The following MET variants were observed in gnomAD, a reference collection of about 807,000 sequenced individuals.
MET encodes MET proto-oncogene, receptor tyrosine kinase.
A neutral mutation model predicts 133.1 loss-of-function variants in MET; 48 were observed. That is an observed-to-expected ratio of 0.36 (90% confidence interval 0.29 to 0.46). The LOEUF (loss-of-function observed/expected upper bound fraction) is 0.46, where lower values mean the gene tolerates loss of function less well. Ranked by LOEUF, MET falls within the 20% of genes least tolerant of loss-of-function variation. The pLI, the probability that MET is intolerant of heterozygous loss-of-function variation, is 1.00. For synonymous variants in MET, 628 were observed against 616.5 expected, an observed-to-expected ratio of 1.02 and a Z score of -0.28; for missense variants, 1,442 against 1,695.9, an observed-to-expected ratio of 0.85 and a Z score of 2.63.
At chr7:116,709,930 G>T (rs192587052) in intron 2 of MET, among the ~76,000 whole-genome samples, 1 of 152,266 alleles carries the variant, frequency 6.6e-6, no homozygotes, top group East Asian at 1.9e-4. Context: ...TGAATTAAAT[G>T]AATAAAGAAG....
Position 116,781,995 on chromosome 7 carries a change from CTGTAAAAGATCTTAT to C in MET, c.3533_3547del (p.Val1178_Ile1182del). The C allele has an allele frequency of 6.2e-7, 1 of 1,610,640 alleles. No homozygotes were observed. On this transcript the variant is annotated inframe_deletion, in exon 18 of 21. Coordinates refer to ENST00000397752, the MANE Select transcript of MET (RefSeq NM_000245.4). ...AACTCTCTTTGACTGCAGAATCCAACTGTAAAAGATCTTATTGGCTTTGGTCTTCAAGTAGCCAAA... is the reference window on the plus strand; with the variant it reads ...AACTCTCTTTGACTGCAGAATCCAACTGGCTTTGGTCTTCAAGTAGCCAAA...
intron 2 of MET, among the ~76,000 whole-genome samples, chr7:116,724,471 A>G: frequency 6.6e-6 from 1 of 152,082 alleles, no homozygotes; most frequent in Non-Finnish European, 1.5e-5. Flanking sequence ...AGCTGTTCCT[A>G]TTCGGCCATC....
Position 116,676,352 on chromosome 7 carries a change from G to A in MET, c.-15+3775G>A, listed in dbSNP as rs750172603. On this transcript the variant is annotated intron_variant, in intron 1 of 20. Coordinates refer to ENST00000397752, the MANE Select transcript of MET (RefSeq NM_000245.4). ...TGTGCTTAGAGAATCACAAGTTATCGTGAAAGCCAGGTTCCTGTACTCCAA... is the reference window on the plus strand; with the variant it reads ...TGTGCTTAGAGAATCACAAGTTATCATGAAAGCCAGGTTCCTGTACTCCAA... Among the ~76,000 whole-genome samples, 18 of 152,126 alleles carry A rather than the reference G, an allele frequency of 1.2e-4. No homozygotes were observed. In the East Asian group the frequency reaches 2.5e-3, roughly 21 times the overall value.
chr7:116,736,958 G>A (rs1489413308), intron 3 of MET, among the ~76,000 whole-genome samples: 3 of 152,046 alleles, frequency 2.0e-5, no homozygotes, highest in African/African-American at 7.3e-5. Context: ...ATTACTTCAG[G>A]GGTATTTTGA....
At chr7:116,752,560 C>T (rs1562917974) in intron 5 of MET, among the ~76,000 whole-genome samples, 2 of 152,212 alleles carry the variant, frequency 1.3e-5, no homozygotes, top group Non-Finnish European at 2.9e-5. Context: ...CTTCCTTTTT[C>T]CCTAGAAGGG....
chr7:116,689,751 T>C (rs549938487), intron 1 of MET, among the ~76,000 whole-genome samples: 7 of 151,858 alleles, frequency 4.6e-5, no homozygotes, highest in Non-Finnish European at 7.4e-5. Flanking sequence ...TTATTTTTTG[T>C]AGAGATGGGG....
At chr7:116,681,654 G>A (rs537085817) in intron 1 of MET, among the ~76,000 whole-genome samples, 17 of 152,118 alleles carry the variant, frequency 1.1e-4, no homozygotes, top group Non-Finnish European at 2.1e-4. Context: ...TTGTCTTTTG[G>A]CTCCTCTGAG....
intron 1 of MET, among the ~76,000 whole-genome samples, chr7:116,692,091 G>C (rs574174512): frequency 2.4e-4 from 37 of 152,178 alleles, no homozygotes; most frequent in African/African-American, 8.4e-4. Context: ...TTCAAATAAG[G>C]ATCATACATT....
intron 11 of MET, 62 bp downstream of exon 11, chr7:116,763,330 A>C: frequency 7.1e-7 from 1 of 1,408,092 alleles, no homozygotes; most frequent in Non-Finnish European, 1.0e-6. Flanking sequence ...CTTCATAGCT[A>C]TGTGAATACA....
At chr7:116,740,823 G>A (rs1793415997) in intron 4 of MET, 29 bp from the exon 5 acceptor site, 2 of 1,613,032 alleles carry the variant, frequency 1.2e-6, no homozygotes, top group Non-Finnish European at 1.7e-6. Flanking sequence ...TACCCCTCTG[G>A]AAGCTCTTTC....
intron 2 of MET, among the ~76,000 whole-genome samples, chr7:116,709,573 G>A (rs1400860408): frequency 1.3e-5 from 2 of 152,120 alleles, no homozygotes; most frequent in African/African-American, 4.8e-5. Flanking sequence ...TTGCTTGGCC[G>A]AGAAAGAAGG....
In MET at chr7:116,763,272, A is replaced by G. The variant is rs1189071750; in HGVS notation, c.2583+4A>G. 6.2e-7 allele frequency: 1 copy of G among 1,611,800 alleles called. No individual in the cohort carries two copies. The highest frequency in any genetic ancestry group is 8.5e-7 in the Non-Finnish European group (1 of 1,178,236). On this transcript the variant is annotated splice_donor_region_variant and intron_variant, in intron 11 of 20. Transcript: ENST00000397752. The stretch of plus-strand genomic sequence containing the variant: ...TGAAAATGTACTGGAAATTAAGGTA[A>G]GAAATGCTTTAAACACTGTCTTAAA...
At chr7:116,779,008 A>G (rs2117049132) in intron 17 of MET, 51 bp downstream of exon 17, 1 of 1,593,512 alleles carries the variant, frequency 6.3e-7, no homozygotes, top group African/African-American at 1.3e-5. Context: ...TAAGCCAGCC[A>G]TCCCTTCAAA....
chr7:116,752,867 T>C (rs1793982970), intron 5 of MET, among the ~76,000 whole-genome samples: 1 of 152,152 alleles, frequency 6.6e-6, no homozygotes, highest in African/African-American at 2.4e-5. Flanking sequence ...GCGTTTTCAG[T>C]GGGGAAGCCT....
chr7:116,749,432 C>A (rs1443857547), intron 5 of MET, among the ~76,000 whole-genome samples: 2 of 152,136 alleles, frequency 1.3e-5, no homozygotes, highest in African/African-American at 2.4e-5. Context: ...AAACTCTCAA[C>A]AAACTAGGTG....
chr7:116,793,052 A>T (rs942848558), intron 19 of MET, among the ~76,000 whole-genome samples: 1 of 152,184 alleles, frequency 6.6e-6, no homozygotes, highest in African/African-American at 2.4e-5. Context: ...GAAACCTCCT[A>T]ACTGGCCTCC....
intron 11 of MET, among the ~76,000 whole-genome samples, chr7:116,764,069 A>G (rs1794515313): frequency 6.6e-6 from 1 of 152,228 alleles, no homozygotes; most frequent in South Asian, 2.1e-4. Flanking sequence ...AAATATGAAC[A>G]AACATAAAGC....
chr7:116,713,350 C>T (rs1160065525), intron 2 of MET, among the ~76,000 whole-genome samples: 2 of 151,186 alleles, frequency 1.3e-5, no homozygotes, highest in African/African-American at 4.9e-5. Flanking sequence ...AGCCGAGATC[C>T]CGCCACTGCA....
intron 1 of MET, among the ~76,000 whole-genome samples, chr7:116,696,814 C>A (rs1458299033): frequency 6.6e-6 from 1 of 152,208 alleles, no homozygotes; most frequent in Non-Finnish European, 1.5e-5. Flanking sequence ...TTTATTCCTT[C>A]TAGTGCAGCA....
Sources: allele counts gnomAD v4.1 joint callset (sites outside exome capture counted in the v4.1 genomes callset), GRCh38; gene constraint gnomAD v4.1.1; transcripts MANE v1.5; gene names NCBI Gene and HGNC (gene_info 2026-07-23, HGNC 2026-07-21).